Variants in SERPINA9 observed in about 807,000 individuals in gnomAD.
The protein encoded by SERPINA9 is serpin family A member 9.
Under a neutral mutation model 24.5 loss-of-function variants are expected in SERPINA9, and 32 were observed. The ratio of observed to expected loss-of-function variants is 1.30; its 90% CI spans 0.98 to 1.75. SERPINA9 has a LOEUF of 1.75. Among genes scored for constraint, SERPINA9 ranks in the 40% most tolerant of loss-of-function variants. SERPINA9 has a pLI of 0.00. For missense variants in SERPINA9, 594 were observed against 497.1 expected (o/e 1.19, Z -1.85); for synonymous variants, 233 against 197.7 (o/e 1.18, Z -1.50).
At chr14:94,469,928 A>G (rs781250023) in intron 1 of SERPINA9, 71 bp from the exon 2 acceptor site, 2 of 1,239,086 alleles carry the variant, frequency 1.6e-6, no homozygotes, top group Non-Finnish European at 2.2e-6. Context: ...ACCCTTTAAC[A>G]CCCCCACGCC....
chr14:94,467,040 A>T (rs28694507), intron 3 of SERPINA9, 69 bp downstream of exon 3: 211,502 of 1,522,242 alleles, frequency 0.14, 15,400 homozygotes, highest in East Asian at 0.19. Flanking sequence ...TGTTAGCACA[A>T]TCTCTCCCTC....
At chr14:94,475,738 T>G (rs557274094) in intron 1 of SERPINA9, among the ~76,000 whole-genome samples, 2 of 152,306 alleles carry the variant, frequency 1.3e-5, no homozygotes, top group East Asian at 1.9e-4. Flanking sequence ...CTCAAGCTGA[T>G]CCTTGCTGTT....
chr14:94,469,773 G>C lies in SERPINA9; in HGVS notation c.68C>G (p.Pro23Arg). 2 of 1,548,680 alleles carry C rather than the reference G, an allele frequency of 1.3e-6. No individual in the cohort carries two copies. Among genetic ancestry groups the C allele is most frequent in the African/African-American group, 1.4e-5 (1 of 73,132 alleles). The part of the protein sequence containing the change: ...GLCAPIYCVS[P>R]ANAPSAYPRP... ...GGGGTATGCACTGGGGGCATTGGCC[G>C]GGGACACACAGTAGATTGGAGCACA... The change falls in exon 2 of 5, where the codon CCG becomes CGG. Residue 23 changes from proline to arginine, a missense_variant. Physicochemically the swap from Pro to Arg is moderately radical, Grantham distance 103. Coordinates refer to ENST00000674397, the MANE Select transcript of SERPINA9 (RefSeq NM_175739.4).
chr14:94,470,312 C>T (rs1899250330), intron 1 of SERPINA9: 5 of 603,350 alleles, frequency 8.3e-6, no homozygotes, highest in Non-Finnish European at 1.0e-5. Flanking sequence ...TTTTCTCACC[C>T]TGGCTGCCTG....
chr14:94,464,285 CT>C (rs1898882389), intron 4 of SERPINA9: 1 of 202,454 alleles, frequency 4.9e-6, no homozygotes, highest in African/African-American at 2.5e-5. Flanking sequence ...CTCTCTCTCT[CT>C]CTCTCTCTCT....
intron 2 of SERPINA9, among the ~76,000 whole-genome samples, chr14:94,468,475 C>T (rs1007152175): frequency 6.6e-6 from 1 of 152,162 alleles, no homozygotes; most frequent in Non-Finnish European, 1.5e-5. Flanking sequence ...ACTTCTATCT[C>T]AAGCACAACC....
chr14:94,475,933 A>T, intron 1 of SERPINA9: 1 of 650,962 alleles, frequency 1.5e-6, no homozygotes, highest in Non-Finnish European at 2.6e-6. Flanking sequence ...CCTCCAACTC[A>T]CTCACTGGTC....
At chr14:94,464,301 CT>C (rs1321871541) in intron 4 of SERPINA9, 80,622 of 194,430 alleles carry the variant, frequency 0.41, 21,041 homozygotes, top group South Asian at 0.58. Context: ...CTCTCTCTCT[CT>C]CTCTCTCTCT....
At position 94,466,944 on chromosome 14, in the gene SERPINA9, T is replaced by C. The variant is rs192269303; in HGVS notation, c.902+165A>G. 2.9e-3 allele frequency among the ~76,000 whole-genome samples: 444 copies of C among 152,328 alleles called. 1 individual carries two copies. Among genetic ancestry groups the C allele is most frequent in the Admixed American group, 4.3e-3 (66 of 15,298 alleles). On this transcript the variant is annotated intron_variant, in intron 3 of 4. Coordinates refer to ENST00000674397, the MANE Select transcript of SERPINA9 (RefSeq NM_175739.4). ...ACTCCTCATCAGGTGATAGTGAACT[T>C]CAAGTGTGAACATGTATAGACAGCC...
intron 1 of SERPINA9, among the ~76,000 whole-genome samples, chr14:94,474,917 A>G (rs970437290): frequency 7.9e-5 from 12 of 151,742 alleles, no homozygotes; most frequent in African/African-American, 2.4e-4. Flanking sequence ...GAATTCCTCA[A>G]TGGCTCCCCA....
chr14:94,473,519 C>CA lies in SERPINA9; in HGVS notation c.-18+2616dup, dbSNP rs60938632. On this transcript the variant is annotated intron_variant, in intron 1 of 4. Transcript: ENST00000674397. ...GGGCAACAAGAGTGAAACTCTGTCTCAAAAAAAAAAAAAAAAAAAAAGCAA... is the reference window on the plus strand; with the variant it reads ...GGGCAACAAGAGTGAAACTCTGTCTCAAAAAAAAAAAAAAAAAAAAAAGCAA... 9.1e-3 allele frequency among the ~76,000 whole-genome samples: 753 copies of CA among 82,564 alleles called. 5 individuals are homozygous for CA. Among genetic ancestry groups the CA allele is most frequent in the East Asian group, 0.017 (50 of 2,880 alleles). 54.2% of individuals were successfully genotyped at this position (82,564 alleles called of 152,430 possible).
At chr14:94,468,246 C>G (rs187286092) in intron 2 of SERPINA9, among the ~76,000 whole-genome samples, 57 of 152,026 alleles carry the variant, frequency 3.7e-4, no homozygotes, top group Non-Finnish European at 6.5e-4. Context: ...GGATGGATAG[C>G]TTGGTGAATG....
rs1199184319 is a variant in SERPINA9, at chr14:94,463,218, G to A, written c.1129C>T (p.Arg377Ter). Reference sequence around the variant, plus strand: ...AAGTAAGAGGGGCCATCCTTCGATCGGACTATGAACTTGGTGGTGGTAGCT... The same window carrying A: ...AAGTAAGAGGGGCCATCCTTCGATCAGACTATGAACTTGGTGGTGGTAGCT... ...TAATTTKFIV[R>*]SKDGPSYFTV... Residue 377 changes from arginine (R) to a stop codon, truncating the protein, a stop_gained, in exon 5 of 5, where the codon CGA (arginine) becomes TGA (stop). Transcript: ENST00000674397. LOFTEE classifies it low-confidence loss of function (END_TRUNC). The A allele has an allele frequency of 6.8e-6, 11 of 1,614,158 alleles. No homozygotes were observed. Among genetic ancestry groups the A allele is most frequent in the East Asian group, 2.2e-5 (1 of 44,880 alleles).
chr14:94,469,316 G>A lies in SERPINA9; in HGVS notation c.525C>T (p.Ile175=), dbSNP rs781303755. Residue 175 remains isoleucine (I), a synonymous_variant, in exon 2 of 5, where the codon ATC becomes ATT. Transcript: ENST00000674397. ...FSNPSIAQAR[I]NSHVKKKTQG... is the part of the protein sequence containing the mutation. ...GGGTCTTCTTTTTCACATGGCTGTT[G>A]ATCCTCGCCTGGGCAATGGAGGGGT... is the stretch of plus-strand genomic sequence containing the variant. 6.2e-7 allele frequency: 1 copy of A among 1,614,212 alleles called. No homozygotes were observed. The highest frequency in any genetic ancestry group is 8.5e-7 in the Non-Finnish European group (1 of 1,180,026).
intron 1 of SERPINA9, chr14:94,475,864 C>T (rs748649471): frequency 3.9e-6 from 2 of 516,292 alleles, no homozygotes; most frequent in Non-Finnish European, 3.4e-6. Context: ...TATTTCAATA[C>T]TCCTCCCCTT....
chr14:94,475,375 C>T (rs1430698191), intron 1 of SERPINA9, among the ~76,000 whole-genome samples: 1 of 152,020 alleles, frequency 6.6e-6, no homozygotes, highest in Non-Finnish European at 1.5e-5. Context: ...GAATGGATGC[C>T]CACCCTGCTA....
At chr14:94,472,308 A>G (rs750388093) in intron 1 of SERPINA9, among the ~76,000 whole-genome samples, 3 of 152,164 alleles carry the variant, frequency 2.0e-5, no homozygotes, top group East Asian at 1.9e-4. Flanking sequence ...CCTGGATGCC[A>G]CCTTCCTTTG....
chr14:94,476,131 C>G lies in SERPINA9; in HGVS notation c.-18+5G>C, dbSNP rs779172407. The G allele has an allele frequency of 1.2e-6, 2 of 1,614,070 alleles. No individual in the cohort carries two copies. Among genetic ancestry groups the G allele is most frequent in the African/African-American group, 1.3e-5 (1 of 74,922 alleles). The stretch of plus-strand genomic sequence containing the variant: ...CCGATCTCTCTGCACCTCCTCCTTA[C>G]CCACCTTTGCAGGTTCCTCTTCTCC... On this transcript the variant is annotated splice_donor_5th_base_variant and intron_variant, in intron 1 of 4. Coordinates refer to ENST00000674397, the MANE Select transcript of SERPINA9 (RefSeq NM_175739.4).
At chr14:94,475,687 A>T (rs533232044) in intron 1 of SERPINA9, among the ~76,000 whole-genome samples, 2 of 152,126 alleles carry the variant, frequency 1.3e-5, no homozygotes, top group Admixed American at 6.5e-5. Context: ...TCTCCATCTC[A>T]GGACCCTTCC....
Sources: gnomAD v4.1 joint callset for allele counts (sites outside exome capture counted in the v4.1 genomes callset) on GRCh38, gnomAD v4.1.1 for gene constraint, MANE v1.5 for transcripts, NCBI Gene and HGNC (gene_info 2026-07-23, HGNC 2026-07-21) for gene names.